The following TTF2 variants were observed in gnomAD, a reference collection of about 807,000 sequenced individuals.
The protein encoded by TTF2 is RNA polymerase II termination factor.
Under a neutral mutation model 142.4 loss-of-function variants are expected in TTF2, and 108 were observed. The ratio of observed to expected loss-of-function variants is 0.76; its 90% CI spans 0.65 to 0.89. The LOEUF (loss-of-function observed/expected upper bound fraction) is 0.89. Ranked by LOEUF, TTF2 falls within the 40% of genes least tolerant of loss-of-function variation. The pLI is 0.00. For synonymous variants in TTF2, 483 were observed against 506.2 expected (o/e 0.95, Z 0.61); for missense variants, 1,327 against 1,379.8 (o/e 0.96, Z 0.61).
At chr1:117,094,389 G>A (rs1321548071) in intron 18 of TTF2, among the ~76,000 whole-genome samples, 1 of 152,076 alleles carries the variant, frequency 6.6e-6, no homozygotes, top group Non-Finnish European at 1.5e-5. Flanking sequence ...GGGGCCCTTA[G>A]AGGCTCTTGA....
rs993729372 is a variant in TTF2, at chr1:117,087,454, G to C, written c.2160+932G>C. On this transcript the variant is annotated intron_variant, in intron 12 of 22. Coordinates refer to ENST00000369466, the MANE Select transcript of TTF2 (RefSeq NM_003594.4). This position sits in a 1 kb window ranked among gnomAD's most constrained non-coding sequence, Gnocchi z 4.8. ...TAACAGGTGCCCGCCACTATGCTCG[G>C]CTAATTTTTTGTATTTTTAGTAGAG... Among the ~76,000 whole-genome samples the C allele has an allele frequency of 1.9e-4, 29 of 152,194 alleles. No individual in the cohort carries two copies. Among genetic ancestry groups the C allele is most frequent in the African/African-American group, 7.0e-4 (29 of 41,526 alleles).
intron 3 of TTF2, among the ~76,000 whole-genome samples, chr1:117,064,443 A>G (rs1245582967): frequency 6.6e-6 from 1 of 152,186 alleles, no homozygotes; most frequent in East Asian, 1.9e-4. Context: ...GATCTCCAAG[A>G]AATCTTTGCC....
At chr1:117,074,647 G>A (rs1418210214) in intron 4 of TTF2, among the ~76,000 whole-genome samples, 1 of 151,704 alleles carries the variant, frequency 6.6e-6, no homozygotes, top group African/African-American at 2.4e-5. Flanking sequence ...CCATAAACAT[G>A]GGAACAATAG....
chr1:117,101,506 A>T lies in TTF2; in HGVS notation c.3471A>T (p.Arg1157Ser), dbSNP rs1267455565. Reference protein sequence around the residue: ...SVTKLTLADLRVLFGI With the variant: ...SVTKLTLADLSVLFGI ...CCAAGCTCACCTTGGCTGACCTCAG[A>T]GTCCTTTTTGGCATCTAACCTCCTG... The change falls in exon 23 of 23, where the codon AGA (arginine) becomes AGT (serine). Residue 1157 changes from arginine to serine, a missense_variant. Arg to Ser is a moderately radical substitution (Grantham distance 110). Coordinates refer to ENST00000369466, the MANE Select transcript of TTF2 (RefSeq NM_003594.4). The surrounding 1 kb of genome is among the most constrained non-coding windows in gnomAD (Gnocchi z 5.9). 6.3e-7 allele frequency: 1 copy of T among 1,593,556 alleles called. No individual in the cohort carries two copies. Among genetic ancestry groups the T allele is most frequent in the Non-Finnish European group, 8.5e-7 (1 of 1,175,018 alleles).
At chr1:117,074,105 AG>A (rs1320977888) in intron 4 of TTF2, among the ~76,000 whole-genome samples, 1 of 152,204 alleles carries the variant, frequency 6.6e-6, no homozygotes, top group African/African-American at 2.4e-5. Context: ...TAGAACTAGG[AG>A]GAGCATCTCC....
In TTF2 at chr1:117,075,084, A is replaced by G; in HGVS notation, c.500A>G (p.Lys167Arg). 6.2e-7 allele frequency: 1 copy of G among 1,614,076 alleles called. No individual in the cohort carries two copies. Among genetic ancestry groups the G allele is most frequent in the Non-Finnish European group, 8.5e-7 (1 of 1,180,006 alleles). Residue 167 changes from lysine (K) to arginine (R), a missense_variant, in exon 5 of 23, where the codon AAA becomes AGA. Transcript: ENST00000369466. The surrounding 1 kb of genome is among the most constrained non-coding windows in gnomAD (Gnocchi z 4.5). ...EKGDQLFDQKKEQKPEMMEKD... is the reference protein window; with the variant it reads ...EKGDQLFDQKREQKPEMMEKD... Reference sequence around the variant, plus strand: ...GGAGATCAGCTTTTCGATCAAAAGAAAGAACAGAAGCCTGAAATGATGGAG... The same window carrying G: ...GGAGATCAGCTTTTCGATCAAAAGAGAGAACAGAAGCCTGAAATGATGGAG...
rs1290857576 is a variant in TTF2 at position 117,086,084 on chromosome 1, G to A, written c.2055-333G>A. On this transcript the variant is annotated intron_variant, in intron 11 of 22. Transcript: ENST00000369466. The surrounding 1 kb of genome is among the most constrained non-coding windows in gnomAD (Gnocchi z 4.2). ...ATTTCCCAACTCTATCCTACTTTCT[G>A]TTCTGGCCAGATCATATTAAGCATT... Among the ~76,000 whole-genome samples, 3 of 152,120 alleles carry A rather than the reference G, an allele frequency of 2.0e-5. No homozygotes were observed. Among genetic ancestry groups the A allele is most frequent in the African/African-American group, 7.2e-5 (3 of 41,400 alleles).
At position 117,091,347 on chromosome 1, in the gene TTF2, C is replaced by A. The variant is rs752737176; in HGVS notation, c.2608C>A (p.Leu870Ile). The change falls in exon 16 of 23, where the codon CTA becomes ATA. Residue 870 changes from leucine (L) to isoleucine (I), a missense_variant. By Grantham distance (5) the Leu-to-Ile change is conservative. Transcript: ENST00000369466. ...ARSRSALQSY[L>I]KRHESRGNQS... is the part of the protein sequence containing the mutation. ...AGGCAGGTCAGCTCTGCAATCCTAT[C>A]TAAAAAGACATGAAAGTAGAGGCAA... 5.6e-6 allele frequency: 9 copies of A among 1,612,856 alleles called. No individual in the cohort carries two copies. The highest frequency in any genetic ancestry group is 1.7e-5 in the Admixed American group (1 of 59,718).
At position 117,076,924 on chromosome 1, in the gene TTF2, T is replaced by C; in HGVS notation, c.1573+101T>C. 8.7e-7 allele frequency: 1 copy of C among 1,143,382 alleles called. No homozygotes were observed. The highest frequency in any genetic ancestry group is 1.5e-5 in the African/African-American group (1 of 64,586). The allele number at this position is 1,143,382 out of a possible 1,614,324, so 70.8% of individuals were successfully genotyped here. On this transcript the variant is annotated intron_variant, in intron 7 of 22. Coordinates refer to ENST00000369466, the MANE Select transcript of TTF2 (RefSeq NM_003594.4). The surrounding 1 kb of genome is among the most constrained non-coding windows in gnomAD (Gnocchi z 4.6). ...TCTTATCCACACTTTCAGTTAACCT[T>C]AGTCACCTGTGGTTCAAAAAAAGGT...
chr1:117,094,944 G>T (rs1648977730), intron 18 of TTF2, among the ~76,000 whole-genome samples: 1 of 152,150 alleles, frequency 6.6e-6, no homozygotes, highest in African/African-American at 2.4e-5. Flanking sequence ...GAGCAGAATG[G>T]ACAAGATGGC....
rs985862980 is a variant in TTF2 at position 117,085,554 on chromosome 1, A to G, written c.2055-863A>G. Among the ~76,000 whole-genome samples the G allele has an allele frequency of 1.3e-5, 2 of 152,172 alleles. No individual in the cohort carries two copies. The highest frequency in any genetic ancestry group is 4.8e-5 in the African/African-American group (2 of 41,434). The stretch of plus-strand genomic sequence containing the variant: ...GATGACCAGGGTAGGTTACTCACCT[A>G]TTATTATCATTTCTGATGCTGAGTA... On this transcript the variant is annotated intron_variant, in intron 11 of 22. Coordinates refer to ENST00000369466, the MANE Select transcript of TTF2 (RefSeq NM_003594.4). This position sits in a 1 kb window ranked among gnomAD's most constrained non-coding sequence, Gnocchi z 4.7.
At chr1:117,078,159 G>T in intron 8 of TTF2, 116 bp downstream of exon 8, 1 of 1,352,206 alleles carries the variant, frequency 7.4e-7, no homozygotes, top group Non-Finnish European at 9.9e-7. Flanking sequence ...TGCTTAAATG[G>T]CTTCCCTTGC....
rs1389299424 is a variant in TTF2 at position 117,102,279 on chromosome 1, T to G, written c.*755T>G. 6.6e-6 allele frequency: 1 copy of G among 152,262 alleles called. No homozygotes were observed. The highest frequency in any genetic ancestry group is 1.5e-5 in the Non-Finnish European group (1 of 68,062). The allele number at this position is 152,262 out of a possible 1,614,324, so 9.4% of individuals were successfully genotyped here. A position where few individuals can be genotyped will look rare whatever the true frequency, so the allele number is the denominator to read the frequency against. ...CTCTTCTTGCCAGTGATGTTGCACC[T>G]GTAACCATCTTTTTATGGGTGGAGC... On this transcript the variant is annotated 3_prime_UTR_variant, in exon 23 of 23. Coordinates refer to ENST00000369466, the MANE Select transcript of TTF2 (RefSeq NM_003594.4).
At chr1:117,060,694 A>G (rs1464320546) in intron 2 of TTF2, 137 bp downstream of exon 2, 2 of 757,410 alleles carry the variant, frequency 2.6e-6, no homozygotes, top group Non-Finnish European at 2.0e-6. Flanking sequence ...CCTTTAAGCA[A>G]TTGGTGATCC....
rs1180970648 is a variant in TTF2, at chr1:117,099,928, C to T, written c.3344+1021C>T. ...TGCTCATTCTGTACATTCCTTCCTT[C>T]ACAAATTCTGTGCACTCCAGTAAGT... On this transcript the variant is annotated intron_variant, in intron 22 of 22. Transcript: ENST00000369466. This position sits in a 1 kb window ranked among gnomAD's most constrained non-coding sequence, Gnocchi z 4.3. Among the ~76,000 whole-genome samples, 1 of 152,262 alleles carries T rather than the reference C, an allele frequency of 6.6e-6. No homozygotes were observed.
Position 117,101,757 on chromosome 1 carries a change from C to G in TTF2, c.*233C>G. 1 of 379,654 alleles carries G rather than the reference C, an allele frequency of 2.6e-6. No individual in the cohort carries two copies. The highest frequency in any genetic ancestry group is 4.6e-6 in the Non-Finnish European group (1 of 217,964). 23.5% of individuals were successfully genotyped at this position (379,654 alleles called of 1,614,324 possible). On this transcript the variant is annotated 3_prime_UTR_variant, in exon 23 of 23. Coordinates refer to ENST00000369466, the MANE Select transcript of TTF2 (RefSeq NM_003594.4). This position sits in a 1 kb window ranked among gnomAD's most constrained non-coding sequence, Gnocchi z 5.9. ...ATTTATTTAATGAGTGGTATGGAAA[C>G]CAATTGATTTTTTTAGATAAAAGAA...
intron 11 of TTF2, 59 bp downstream of exon 11, chr1:117,084,227 G>T: frequency 6.2e-7 from 1 of 1,600,866 alleles, no homozygotes; most frequent in Non-Finnish European, 8.5e-7. Flanking sequence ...AGGGCCCACG[G>T]GCCTTTGCTC....
At position 117,090,633 on chromosome 1, in the gene TTF2, T is replaced by C; in HGVS notation, c.2588+10T>C. ...TTTTTGCAAGATCAAGGTGTGTGTATTAAAGAAGCACCTTCTCACACACAT... is the reference window on the plus strand; with the variant it reads ...TTTTTGCAAGATCAAGGTGTGTGTACTAAAGAAGCACCTTCTCACACACAT... On this transcript the variant is annotated intron_variant, in intron 15 of 22. Transcript: ENST00000369466. The surrounding 1 kb of genome is among the most constrained non-coding windows in gnomAD (Gnocchi z 4.8). 1 of 1,605,380 alleles carries C rather than the reference T, an allele frequency of 6.2e-7. No individual in the cohort carries two copies. Among genetic ancestry groups the C allele is most frequent in the Admixed American group, 1.7e-5 (1 of 59,708 alleles).
chr1:117,090,307 T>G lies in TTF2; in HGVS notation c.2496+99T>G. The G allele has an allele frequency of 6.7e-7, 1 of 1,497,178 alleles. No individual in the cohort carries two copies. Among genetic ancestry groups the G allele is most frequent in the Non-Finnish European group, 9.0e-7 (1 of 1,111,700 alleles). The allele number at this position is 1,497,178 out of a possible 1,614,324, so 92.7% of individuals were successfully genotyped here. ...AGCCATCTGCTTTGCTTCAGGAGCC[T>G]CTGAGTTTCCCATCCTCCTGTGAGG... On this transcript the variant is annotated intron_variant, in intron 14 of 22. Transcript: ENST00000369466. The surrounding 1 kb of genome is among the most constrained non-coding windows in gnomAD (Gnocchi z 4.8).
Sources: gnomAD v4.1 joint callset for allele counts (sites outside exome capture counted in the v4.1 genomes callset) on GRCh38, gnomAD v4.1.1 for gene constraint, Gnocchi (gnomAD v3.1) non-coding constraint, MANE v1.5 for transcripts, NCBI Gene and HGNC (gene_info 2026-07-23, HGNC 2026-07-21) for gene names.